Variants in FAM91A1 observed in about 807,000 individuals in gnomAD.
FAM91A1 encodes the protein family with sequence similarity 91 member A1, also known as protein FAM91A1.
In FAM91A1, 41 loss-of-function variants were observed where a neutral mutation model predicts 113.5. The ratio of observed to expected loss-of-function variants is 0.36; its 90% CI spans 0.28 to 0.47. The LOEUF (loss-of-function observed/expected upper bound fraction) is 0.47. Ranked by LOEUF, FAM91A1 falls within the 20% of genes least tolerant of loss-of-function variation. FAM91A1 has a pLI of 1.00. For synonymous variants in FAM91A1, 307 were observed against 347.9 expected, an observed-to-expected ratio of 0.88 and a Z score of 1.31; for missense variants, 696 against 1,001.2, an observed-to-expected ratio of 0.70 and a Z score of 4.11.
chr8:123,791,652 TCTTAG>T, intron 15 of FAM91A1, among the ~76,000 whole-genome samples: 1 of 152,314 alleles, frequency 6.6e-6, no homozygotes, highest in East Asian at 1.9e-4. Context: ...TACCAGCATT[TCTTAG>T]CTTAGCTCCT....
At chr8:123,795,640 T>C (rs1815499035) in intron 15 of FAM91A1, among the ~76,000 whole-genome samples, 1 of 152,202 alleles carries the variant, frequency 6.6e-6, no homozygotes, top group East Asian at 1.9e-4. Flanking sequence ...GTCGGAGGTA[T>C]TTCTTTATAG....
At chr8:123,780,435 G>A (rs1815090875) in intron 7 of FAM91A1, 45 bp from the exon 8 acceptor site, 2 of 1,433,564 alleles carry the variant, frequency 1.4e-6, no homozygotes, top group Non-Finnish European at 1.9e-6. Context: ...AAAAATCACT[G>A]TTGTGTAGTG....
At chr8:123,802,852 A>C (rs1016391299) in intron 18 of FAM91A1, among the ~76,000 whole-genome samples, 10 of 152,210 alleles carry the variant, frequency 6.6e-5, no homozygotes, top group Admixed American at 2.6e-4. Context: ...TATAAACTGG[A>C]GATAAAGTTC....
At position 123,812,499 on chromosome 8, in the gene FAM91A1, C is replaced by CTT. The variant is rs764326417; in HGVS notation, c.2332-19_2332-18dup. Reference sequence around the variant, plus strand: ...TGGTAAAGTGTTGAATATCATTTCTCTTGTTTCTTGATCTTTTAGGAAGGT... The same window carrying CTT: ...TGGTAAAGTGTTGAATATCATTTCTCTTTTGTTTCTTGATCTTTTAGGAAGGT... On this transcript the variant is annotated intron_variant, in intron 23 of 23. Coordinates refer to ENST00000334705, the MANE Select transcript of FAM91A1 (RefSeq NM_144963.4). The CTT allele has an allele frequency of 9.7e-6, 15 of 1,554,244 alleles. No homozygotes were observed. The East Asian group carries it at 3.4e-4, about 36-fold the overall frequency.
chr8:123,788,636 A>G (rs543879014), intron 14 of FAM91A1, among the ~76,000 whole-genome samples: 6 of 152,176 alleles, frequency 3.9e-5, no homozygotes, highest in African/African-American at 1.4e-4. Context: ...TTTATTTGTT[A>G]ACCCCATTTC....
Position 123,810,809 on chromosome 8 carries a change from T to G in FAM91A1, c.2331+458T>G, listed in dbSNP as rs560985569. The stretch of plus-strand genomic sequence containing the variant: ...GTAAACTTTTAAAATAGAATATTTC[T>G]GTTCAGAATATCTAATTCAACGTTA... On this transcript the variant is annotated intron_variant, in intron 23 of 23. Coordinates refer to ENST00000334705, the MANE Select transcript of FAM91A1 (RefSeq NM_144963.4). 2.1e-4 allele frequency: 37 copies of G among 172,524 alleles called. No individual in the cohort carries two copies. The Admixed American group carries it at 2.2e-3, about 10-fold the overall frequency. 10.7% of individuals were successfully genotyped at this position (172,524 alleles called of 1,614,324 possible).
chr8:123,784,671 A>G (rs1454332224), intron 9 of FAM91A1, 95 bp downstream of exon 9: 14 of 801,080 alleles, frequency 1.7e-5, no homozygotes, highest in Admixed American at 3.2e-5. Flanking sequence ...TCTTTTTAAA[A>G]TCTCCATGTG....
At position 123,768,504 on chromosome 8, in the gene FAM91A1, A is replaced by G. The variant is rs1045957180; in HGVS notation, c.-199A>G. 1.2e-5 allele frequency: 6 copies of G among 496,570 alleles called. No homozygotes were observed. The highest frequency in any genetic ancestry group is 4.1e-5 in the Admixed American group (1 of 24,580). The allele number at this position is 496,570 out of a possible 1,614,324, so 30.8% of individuals were successfully genotyped here. A position where few individuals can be genotyped will look rare whatever the true frequency, so the allele number is the denominator to read the frequency against. ...AGCTGTTCAGGCGATCCAGCCTCCAATCGCTGCTGCTCTTGTACTCGGTTG... is the reference window on the plus strand; with the variant it reads ...AGCTGTTCAGGCGATCCAGCCTCCAGTCGCTGCTGCTCTTGTACTCGGTTG... On this transcript the variant is annotated 5_prime_UTR_variant, in exon 1 of 24. Coordinates refer to ENST00000334705, the MANE Select transcript of FAM91A1 (RefSeq NM_144963.4).
intron 1 of FAM91A1, 78 bp downstream of exon 1, chr8:123,768,852 C>T (rs1334837560): frequency 2.8e-6 from 4 of 1,435,836 alleles, no homozygotes; most frequent in Non-Finnish European, 2.9e-6. Flanking sequence ...GCTCGCGGGG[C>T]CCGAGCGGGC....
At position 123,774,062 on chromosome 8, in the gene FAM91A1, T is replaced by G; in HGVS notation, c.73-18T>G. 6.2e-7 allele frequency: 1 copy of G among 1,600,748 alleles called. No homozygotes were observed. Among genetic ancestry groups the G allele is most frequent in the South Asian group, 1.1e-5 (1 of 88,508 alleles). ...TCAGTTTGGAAGTTGTTTAAAATCT[T>G]TTTGAAATTTCTCCTAGAGTCTTGG... On this transcript the variant is annotated intron_variant, in intron 1 of 23. Coordinates refer to ENST00000334705, the MANE Select transcript of FAM91A1 (RefSeq NM_144963.4).
chr8:123,775,312 G>T lies in FAM91A1; in HGVS notation c.309+14G>T. On this transcript the variant is annotated intron_variant, in intron 3 of 23. Coordinates refer to ENST00000334705, the MANE Select transcript of FAM91A1 (RefSeq NM_144963.4). ...GGGATTATGGAGGTGAGTTTACAGT[G>T]TGGGTGAGCCAGTGGGAATGGGATG... The T allele has an allele frequency of 6.2e-7, 1 of 1,611,260 alleles. No individual in the cohort carries two copies. The highest frequency in any genetic ancestry group is 8.5e-7 in the Non-Finnish European group (1 of 1,178,330).
At chr8:123,770,230 C>T (rs1814808334) in intron 1 of FAM91A1, among the ~76,000 whole-genome samples, 6 of 152,172 alleles carry the variant, frequency 3.9e-5, no homozygotes, top group Admixed American at 3.9e-4. Context: ...GGATTACAGG[C>T]GTGAGCCACA....
chr8:123,768,576 TG>T lies in FAM91A1; in HGVS notation c.-124del. ...CGGGAGCCTAGGCCATGGGGCAGCC[TG>T]GGCCTTCTGCAGTGTGAGGCGCGGG... On this transcript the variant is annotated 5_prime_UTR_variant, in exon 1 of 24. An upstream open reading frame in the 5' UTR loses its in-frame stop. Coordinates refer to ENST00000334705, the MANE Select transcript of FAM91A1 (RefSeq NM_144963.4). The T allele has an allele frequency of 2.6e-6, 2 of 774,370 alleles. No individual in the cohort carries two copies. Among genetic ancestry groups the T allele is most frequent in the Non-Finnish European group, 4.0e-6 (2 of 499,850 alleles). 48.0% of individuals were successfully genotyped at this position (774,370 alleles called of 1,614,324 possible). A position where few individuals can be genotyped will look rare whatever the true frequency, so the allele number is the denominator to read the frequency against.
chr8:123,784,210 A>G (rs1258064913), intron 8 of FAM91A1, among the ~76,000 whole-genome samples: 1 of 152,122 alleles, frequency 6.6e-6, no homozygotes, highest in Non-Finnish European at 1.5e-5. Context: ...GTCATCCAGC[A>G]TTTCTGAGTT....
chr8:123,798,231 C>A lies in FAM91A1; in HGVS notation c.1553C>A (p.Thr518Asn). 5 of 1,613,792 alleles carry A rather than the reference C, an allele frequency of 3.1e-6. No homozygotes were observed. The highest frequency in any genetic ancestry group is 2.2e-5 in the South Asian group (2 of 91,040). Residue 518 changes from threonine (T) to asparagine (N), a missense_variant, in exon 16 of 24, where the codon ACC becomes AAC. Transcript: ENST00000334705. Reference protein sequence around the residue: ...TNEIRPVSSCTPQHIGPAIPE... With the variant: ...TNEIRPVSSCNPQHIGPAIPE... ...GAAATCCGGCCTGTCAGCAGCTGCA[C>A]CCCTCAGGTAAAGACCTACTTGGAA... is the stretch of plus-strand genomic sequence containing the variant.
chr8:123,804,905 G>A (rs11991217), intron 18 of FAM91A1, among the ~76,000 whole-genome samples: 18,008 of 152,132 alleles, frequency 0.12, 1,836 homozygotes, highest in African/African-American at 0.28. Flanking sequence ...CCTGTGGTAT[G>A]CTATGTGATT....
At chr8:123,777,657 T>C (rs1044781673) in intron 4 of FAM91A1, among the ~76,000 whole-genome samples, 2 of 152,356 alleles carry the variant, frequency 1.3e-5, no homozygotes, top group East Asian at 1.9e-4. Flanking sequence ...CAGGGTGACA[T>C]ACAGTTTTTA....
intron 6 of FAM91A1, among the ~76,000 whole-genome samples, chr8:123,779,491 T>C (rs1451947264): frequency 2.0e-5 from 3 of 152,198 alleles, no homozygotes; most frequent in African/African-American, 7.2e-5. Flanking sequence ...GAAATGAGTA[T>C]GTGGGCTTCT....
chr8:123,775,440 G>A (rs1814959640), intron 3 of FAM91A1, 142 bp downstream of exon 3: 2 of 1,019,568 alleles, frequency 2.0e-6, no homozygotes, highest in Non-Finnish European at 2.9e-6. Flanking sequence ...GACTATTGGT[G>A]GCTTGTTAAC....
Sources: allele counts gnomAD v4.1 joint callset (sites outside exome capture counted in the v4.1 genomes callset), GRCh38; gene constraint gnomAD v4.1.1; transcripts MANE v1.5; gene names NCBI Gene and HGNC (gene_info 2026-07-23, HGNC 2026-07-21).